Variants in ATP10A observed in about 807,000 individuals in gnomAD.
The protein encoded by ATP10A is phospholipid-transporting ATPase VA.
In ATP10A, 111 loss-of-function variants were observed where a neutral mutation model predicts 147.8. The ratio of observed to expected loss-of-function variants is 0.75; its 90% CI spans 0.64 to 0.88. The LOEUF (loss-of-function observed/expected upper bound fraction) is 0.88, where lower values mean the gene tolerates loss of function less well. Among genes scored for constraint, ATP10A ranks in the 40% least tolerant of loss-of-function variants. The pLI, the probability that ATP10A is intolerant of heterozygous loss-of-function variation, is 0.00. For missense variants in ATP10A, 1,927 were observed against 1,959.0 expected (o/e 0.98, Z 0.31); for synonymous variants, 875 against 841.6 (o/e 1.04, Z -0.69).
intron 2 of ATP10A, among the ~76,000 whole-genome samples, chr15:25,775,379 C>G (rs1889551331): frequency 1.3e-5 from 2 of 152,172 alleles, no homozygotes; most frequent in African/African-American, 4.8e-5. Context: ...TAAAGAAAAC[C>G]GTGCTGAGTC....
chr15:25,721,147 G>T (rs551643126), intron 7 of ATP10A, among the ~76,000 whole-genome samples: 31 of 152,308 alleles, frequency 2.0e-4, no homozygotes, highest in African/African-American at 6.5e-4. Flanking sequence ...CCACAGATAA[G>T]GAAGGGAGAG....
downstream of ATP10A, among the ~76,000 whole-genome samples, chr15:25,672,650 A>T (rs1899065702): frequency 6.6e-6 from 1 of 152,012 alleles, no homozygotes; most frequent in South Asian, 2.1e-4. Flanking sequence ...AGCTCTTGTC[A>T]TTTCTTCATT....
intron 13 of ATP10A, among the ~76,000 whole-genome samples, chr15:25,699,928 G>T (rs1032957378): frequency 1.3e-5 from 2 of 151,788 alleles, no homozygotes; most frequent in African/African-American, 2.4e-5. Context: ...AAAACTAAAA[G>T]CTTTTGTGAA....
In ATP10A at chr15:25,718,183, A is replaced by T. The variant is rs1222642302; in HGVS notation, c.1580T>A (p.Met527Lys). The change falls in exon 8 of 21, where the codon ATG becomes AAG. Residue 527 changes from methionine (M) to lysine (K), a missense_variant and splice_region_variant. Transcript: ENST00000555815. ...LSKHTAFSSP[M>K]EKDITPDPKL... ...TAGCAGGAGGCCCTGTACACTCACC[A>T]TGGGGCTGCTGAAGGCCGTGTGCTT... 1 of 1,612,788 alleles carries T rather than the reference A, an allele frequency of 6.2e-7. No homozygotes were observed.
chr15:25,845,515 G>T (rs1892983765), intron 1 of ATP10A, among the ~76,000 whole-genome samples: 1 of 152,146 alleles, frequency 6.6e-6, no homozygotes, highest in South Asian at 2.1e-4. Flanking sequence ...AAGTGTCAAG[G>T]TTGAGAGAAA....
At chr15:25,859,005 G>A (rs1021195141) in intron 1 of ATP10A, among the ~76,000 whole-genome samples, 4 of 152,144 alleles carry the variant, frequency 2.6e-5, no homozygotes, top group African/African-American at 9.7e-5. Context: ...CTGGGAGCAG[G>A]GCTCCAGGTC....
In ATP10A at chr15:25,850,620, T is replaced by C. The variant is rs894190946; in HGVS notation, c.449+12028A>G. ...CGTCCGGCGGCAGCGGACCCAGCGC[T>C]GCTCCATTCTCCCTCCCTCCCTCCC... On this transcript the variant is annotated intron_variant, in intron 1 of 20. Transcript: ENST00000555815. Among the ~76,000 whole-genome samples the C allele has an allele frequency of 3.3e-5, 5 of 150,862 alleles. No homozygotes were observed. In the East Asian group the frequency reaches 8.0e-4, roughly 24 times the overall value.
At chr15:25,853,639 C>T (rs905582971) in intron 1 of ATP10A, among the ~76,000 whole-genome samples, 1 of 152,066 alleles carries the variant, frequency 6.6e-6, no homozygotes. Flanking sequence ...CCAGATGAGA[C>T]CCCTGACCCC....
At chr15:25,791,260 CT>C (rs1890411071) in intron 1 of ATP10A, among the ~76,000 whole-genome samples, 1 of 121,454 alleles carries the variant, frequency 8.2e-6, no homozygotes, top group Non-Finnish European at 1.9e-5. Flanking sequence ...AGGACATCTA[CT>C]TTTCTTTTAA....
chr15:25,691,959 A>T (rs1427663782), intron 14 of ATP10A, among the ~76,000 whole-genome samples, 168 bp from the exon 15 acceptor site: 1 of 152,172 alleles, frequency 6.6e-6, no homozygotes, highest in Non-Finnish European at 1.5e-5. Context: ...GAATAGAGTT[A>T]AGCATTCAGA....
chr15:25,802,597 T>G (rs138981011), intron 1 of ATP10A, among the ~76,000 whole-genome samples: 42 of 152,298 alleles, frequency 2.8e-4, no homozygotes, highest in African/African-American at 6.7e-4. Flanking sequence ...TCCTGGAGTC[T>G]CAGCGGAGAG....
At chr15:25,698,781 T>C (rs1900497539) in intron 13 of ATP10A, among the ~76,000 whole-genome samples, 1 of 152,204 alleles carries the variant, frequency 6.6e-6, no homozygotes, top group African/African-American at 2.4e-5. Context: ...TCTTTTGGGG[T>C]ATTAAATACA....
At position 25,862,828 on chromosome 15, in the gene ATP10A, T is replaced by C; in HGVS notation, c.269A>G (p.Tyr90Cys). The part of the protein sequence containing the change: ...FEQFHRPANV[Y>C]FVFIALLNFV... ...GTTGAGCAGCGCGATGAAGACAAAG[T>C]ACACGTTGGCCGGGCGGTGGAACTG... is the stretch of plus-strand genomic sequence containing the variant. Residue 90 changes from tyrosine to cysteine, a missense_variant, in exon 1 of 21, where the codon TAC (tyrosine) becomes TGC (cysteine). By Grantham distance (194) the Tyr-to-Cys change is radical. Transcript: ENST00000555815. 1 of 1,609,840 alleles carries C rather than the reference T, an allele frequency of 6.2e-7. No individual in the cohort carries two copies. The highest frequency in any genetic ancestry group is 8.5e-7 in the Non-Finnish European group (1 of 1,178,110).
Position 25,718,403 on chromosome 15 carries a change from CGGGGAGA to C in ATP10A, c.1364-11_1364-5del. On this transcript the variant is annotated splice_polypyrimidine_tract_variant and splice_region_variant and intron_variant, in intron 7 of 20. Coordinates refer to ENST00000555815, the MANE Select transcript of ATP10A (RefSeq NM_024490.4). ...TGGTACCTGGCCAGACGCTGCGCTG[CGGGGAGA>C]GGGCGCAGGGTGAGGCATCATGGGG... 1 of 1,587,376 alleles carries C rather than the reference CGGGGAGA, an allele frequency of 6.3e-7. No homozygotes were observed. The highest frequency in any genetic ancestry group is 8.5e-7 in the Non-Finnish European group (1 of 1,170,480).
chr15:25,724,600 T>C (rs572879324), intron 5 of ATP10A, among the ~76,000 whole-genome samples: 1 of 152,226 alleles, frequency 6.6e-6, no homozygotes, highest in African/African-American at 2.4e-5. Flanking sequence ...TAGCCCTACA[T>C]GGAACCTAAC....
chr15:25,823,691 G>GT (rs2140850655), intron 1 of ATP10A, among the ~76,000 whole-genome samples: 1 of 152,254 alleles, frequency 6.6e-6, no homozygotes, highest in African/African-American at 2.4e-5. Context: ...TATAAGGCAA[G>GT]CAAAAAATTT....
intron 1 of ATP10A, among the ~76,000 whole-genome samples, chr15:25,838,920 C>T (rs898273240): frequency 3.9e-5 from 6 of 152,146 alleles, no homozygotes; most frequent in Non-Finnish European, 2.9e-5. Flanking sequence ...ACACCTGCCC[C>T]GAGTTCACTG....
rs756116018 is a variant in ATP10A, at chr15:25,781,087, C to T, written c.586G>A (p.Glu196Lys). 6.8e-6 allele frequency: 11 copies of T among 1,614,154 alleles called. No individual in the cohort carries two copies. The South Asian group carries it at 7.7e-5, about 11-fold the overall frequency. ...SSDPDGLCHI[E>K]TANLDGETNL... ...GTCTCTCCATCCAGGTTGGCGGTCTCGATGTGGCATAGCCCGTCGGGGTCA... is the reference window on the plus strand; with the variant it reads ...GTCTCTCCATCCAGGTTGGCGGTCTTGATGTGGCATAGCCCGTCGGGGTCA... Residue 196 changes from glutamate to lysine, a missense_variant, in exon 2 of 21, where the codon GAG becomes AAG. Physicochemically the swap from Glu to Lys is moderately conservative, Grantham distance 56. Transcript: ENST00000555815.
rs561963973 is a variant in ATP10A, at chr15:25,776,964, C to T, written c.654+4055G>A. On this transcript the variant is annotated intron_variant, in intron 2 of 20. Coordinates refer to ENST00000555815, the MANE Select transcript of ATP10A (RefSeq NM_024490.4). ...CATGGCCCCAAACCCCTAACAAAAGCCCCCTGGACTCATCTCACTGCTCCA... is the reference window on the plus strand; with the variant it reads ...CATGGCCCCAAACCCCTAACAAAAGTCCCCTGGACTCATCTCACTGCTCCA... Among the ~76,000 whole-genome samples, 6 of 152,202 alleles carry T rather than the reference C, an allele frequency of 3.9e-5. No homozygotes were observed. In the East Asian group the frequency reaches 1.2e-3, roughly 30 times the overall value.
Sources: gnomAD v4.1 joint callset for allele counts (sites outside exome capture counted in the v4.1 genomes callset) on GRCh38, gnomAD v4.1.1 for gene constraint, MANE v1.5 for transcripts, NCBI Gene and HGNC (gene_info 2026-07-23, HGNC 2026-07-21) for gene names.